The following KIAA0825 variants were observed in gnomAD, a reference collection of about 807,000 sequenced individuals.
KIAA0825 encodes KIAA0825.
KIAA0825 carries 119 observed loss-of-function variants against 147.6 expected under a neutral mutation model. The ratio of observed to expected loss-of-function variants is 0.81; its 90% CI spans 0.69 to 0.94. KIAA0825 has a LOEUF of 0.94. KIAA0825 is among the 40% of genes least tolerant of loss of function. The pLI is 0.00. For synonymous variants in KIAA0825, 470 were observed against 518.1 expected (o/e 0.91, Z 1.26); for missense variants, 1,381 against 1,472.7 (o/e 0.94, Z 1.02).
chr5:94,613,057 C>G (rs1019971460), intron 1 of KIAA0825, among the ~76,000 whole-genome samples: 3 of 152,182 alleles, frequency 2.0e-5, no homozygotes, highest in African/African-American at 7.2e-5. Context: ...CAGGTCCTCT[C>G]TGAATTCAGT....
At chr5:94,172,038 T>C (rs374312639) in intron 20 of KIAA0825, among the ~76,000 whole-genome samples, 27 of 152,234 alleles carry the variant, frequency 1.8e-4, no homozygotes, top group African/African-American at 6.5e-4. Context: ...TCTCAGACGT[T>C]GGGGAAATAT....
chr5:94,185,903 C>T (rs1046651901), intron 20 of KIAA0825, among the ~76,000 whole-genome samples: 7 of 152,200 alleles, frequency 4.6e-5, no homozygotes, highest in South Asian at 2.1e-4. Flanking sequence ...TAATAGCTAC[C>T]ATAACATTAT....
intron 20 of KIAA0825, among the ~76,000 whole-genome samples, chr5:94,156,637 T>G (rs771842508): frequency 1.3e-5 from 2 of 152,184 alleles, no homozygotes; most frequent in Non-Finnish European, 2.9e-5. Flanking sequence ...TTTTGAAGCT[T>G]CATGACAATT....
At chr5:94,191,769 A>AG (rs1770697136) in intron 20 of KIAA0825, among the ~76,000 whole-genome samples, 1 of 152,380 alleles carries the variant, frequency 6.6e-6, no homozygotes, top group Middle Eastern at 3.4e-3. Context: ...GGAGTGCTGC[A>AG]GCCTGTCTTT....
At chr5:94,499,191 T>G (rs556572028) in intron 5 of KIAA0825, among the ~76,000 whole-genome samples, 1 of 152,072 alleles carries the variant, frequency 6.6e-6, no homozygotes, top group Non-Finnish European at 1.5e-5. Context: ...GAATCAGACA[T>G]CATATGGAAC....
intron 2 of KIAA0825, among the ~76,000 whole-genome samples, chr5:94,563,629 G>A (rs1777995297): frequency 6.6e-6 from 1 of 152,126 alleles, no homozygotes; most frequent in African/African-American, 2.4e-5. Context: ...ATTTATTAAA[G>A]TTAAATCTAA....
intron 5 of KIAA0825, among the ~76,000 whole-genome samples, chr5:94,515,678 G>T (rs1767111868): frequency 6.6e-6 from 1 of 151,788 alleles, no homozygotes; most frequent in Non-Finnish European, 1.5e-5. Flanking sequence ...TGTGATCCCA[G>T]CTACTTGGGA....
At position 94,353,313 on chromosome 5, in the gene KIAA0825, G is replaced by A. The variant is rs1584226462; in HGVS notation, c.3710+31055C>T. Among the ~76,000 whole-genome samples the A allele has an allele frequency of 3.3e-5, 5 of 152,174 alleles. No individual in the cohort carries two copies. The East Asian group carries it at 5.8e-4, about 18-fold the overall frequency. Reference sequence around the variant, plus strand: ...CAATTTTCTACATACCATTTACAGAGGTTTTACTGGGTATCATACAAATGC... The same window carrying A: ...CAATTTTCTACATACCATTTACAGAAGTTTTACTGGGTATCATACAAATGC... On this transcript the variant is annotated intron_variant, in intron 20 of 20. Transcript: ENST00000682413.
intron 5 of KIAA0825, among the ~76,000 whole-genome samples, chr5:94,504,877 AGCTGGGAT>A (rs1433785549): frequency 1.3e-5 from 2 of 150,816 alleles, no homozygotes; most frequent in East Asian, 4.0e-4. Flanking sequence ...CCTCCCAAGT[AGCTGGGAT>A]TACAGGTGCA....
chr5:94,503,526 G>T (rs969433167), intron 5 of KIAA0825, among the ~76,000 whole-genome samples: 2 of 152,050 alleles, frequency 1.3e-5, no homozygotes, highest in African/African-American at 4.8e-5. Flanking sequence ...TGACTGAGAC[G>T]GCCCCTGGTG....
chr5:94,587,256 CCT>C (rs1783478436), intron 1 of KIAA0825, among the ~76,000 whole-genome samples: 1 of 152,026 alleles, frequency 6.6e-6, no homozygotes, highest in Admixed American at 6.6e-5. Context: ...TCAAATTGTC[CCT>C]GTTTGCAGAT....
At chr5:94,497,480 G>A (rs1258190643) in intron 5 of KIAA0825, among the ~76,000 whole-genome samples, 5 of 152,036 alleles carry the variant, frequency 3.3e-5, no homozygotes, top group Non-Finnish European at 7.4e-5. Flanking sequence ...TGGAAAGCAC[G>A]AATACTACAA....
intron 20 of KIAA0825, among the ~76,000 whole-genome samples, chr5:94,356,850 G>A (rs971702867): frequency 6.7e-5 from 10 of 149,642 alleles, no homozygotes; most frequent in East Asian, 6.1e-4. Context: ...TCAGCCTCCC[G>A]AGTAGCTGGG....
intron 20 of KIAA0825, among the ~76,000 whole-genome samples, chr5:94,338,827 G>C (rs1284161993): frequency 6.6e-6 from 1 of 151,896 alleles, no homozygotes; most frequent in East Asian, 1.9e-4. Flanking sequence ...TTATATATGT[G>C]TATAAACACA....
At chr5:94,274,764 C>T (rs1002876332) in intron 20 of KIAA0825, among the ~76,000 whole-genome samples, 1 of 152,134 alleles carries the variant, frequency 6.6e-6, no homozygotes, top group Non-Finnish European at 1.5e-5. Context: ...TTTGGGTTGC[C>T]TCCATTTTCA....
chr5:94,176,562 C>T (rs1769123777), intron 20 of KIAA0825, among the ~76,000 whole-genome samples: 1 of 152,068 alleles, frequency 6.6e-6, no homozygotes, highest in Non-Finnish European at 1.5e-5. Flanking sequence ...AAGGTCTTTA[C>T]TAGCTCTTTT....
intron 20 of KIAA0825, among the ~76,000 whole-genome samples, chr5:94,267,096 A>G (rs1776769019): frequency 6.6e-6 from 1 of 152,222 alleles, no homozygotes; most frequent in African/African-American, 2.4e-5. Flanking sequence ...ATGCTTGACT[A>G]TTACCATACT....
intron 20 of KIAA0825, among the ~76,000 whole-genome samples, chr5:94,358,448 G>A (rs113163771): frequency 9.3e-4 from 142 of 152,246 alleles, no homozygotes; most frequent in African/African-American, 3.3e-3. Context: ...TTATACTATG[G>A]CTTCATTTCT....
chr5:94,564,384 T>TGTGTGTG (rs1778174001), intron 2 of KIAA0825, among the ~76,000 whole-genome samples: 3 of 79,264 alleles, frequency 3.8e-5, no homozygotes, highest in Admixed American at 3.3e-4. Context: ...ATTTTTGAAT[T>TGTGTGTG]TGTGTGTGTG....
Sources: allele counts gnomAD v4.1 joint callset (sites outside exome capture counted in the v4.1 genomes callset), GRCh38; gene constraint gnomAD v4.1.1; transcripts MANE v1.5; gene names NCBI Gene and HGNC (gene_info 2026-07-23, HGNC 2026-07-21).